Variants in LINGO3 observed in about 807,000 individuals in gnomAD.
LINGO3 encodes leucine rich repeat and Ig domain containing 3.
For missense variants in LINGO3, 750 were observed against 867.7 expected, an observed-to-expected ratio of 0.86 and a Z score of 1.70; for synonymous variants, 427 against 444.2, an observed-to-expected ratio of 0.96 and a Z score of 0.49.
the LINGO3 span, among the ~76,000 whole-genome samples, chr19:2,298,819 G>A: frequency 2.6e-5 from 4 of 152,034 alleles, no homozygotes; most frequent in Non-Finnish European, 5.9e-5. Flanking sequence ...GATTACAGGC[G>A]TGAGCCACCG....
chr19:2,292,583 G>A (rs1022112008), upstream of LINGO3, among the ~76,000 whole-genome samples: 2 of 151,416 alleles, frequency 1.3e-5, no homozygotes, highest in South Asian at 2.1e-4. Flanking sequence ...TCCACCTCCC[G>A]GGTTCAAGCA....
exon 1 of LINGO3, chr19:2,291,757 A>G (rs892515795): frequency 6.5e-6 from 9 of 1,377,796 alleles, no homozygotes; most frequent in Non-Finnish European, 7.5e-6. Context: ...CAGGCTCAGG[A>G]CGCACAGCCA....
chr19:2,290,286 C>T lies in LINGO3; in HGVS notation c.1491G>A (p.Val497=). The change falls in exon 1 of 1, where the codon GTG becomes GTA. Residue 497 remains valine (V), a synonymous_variant. Coordinates refer to ENST00000585527, the Ensembl canonical transcript of LINGO3. The surrounding 1 kb of genome is among the most constrained non-coding windows in gnomAD (Gnocchi z 6.0). ...TCCGGTTGGCGGCCGGCTCGGGGCG[C>T]ACGGTCAGCGTGGCGAAGTAGGTGT... 2 of 1,585,682 alleles carry T rather than the reference C, an allele frequency of 1.3e-6. No homozygotes were observed. Among genetic ancestry groups the T allele is most frequent in the East Asian group, 2.3e-5 (1 of 43,936 alleles).
Position 2,290,862 on chromosome 19 carries a change from C to T in LINGO3, c.915G>A (p.Leu305=), listed in dbSNP as rs777641904. 1.2e-6 allele frequency: 2 copies of T among 1,611,612 alleles called. No homozygotes were observed. Among genetic ancestry groups the T allele is most frequent in the Non-Finnish European group, 1.7e-6 (2 of 1,179,274 alleles). ...AGGCCTGCGGCTCCACCACAGCCAG[C>T]AGGGCCCCGGCCAGGTGCAGCTCGC... The change falls in exon 1 of 1, where the codon CTG becomes CTA. Residue 305 remains leucine (L), a synonymous_variant. Coordinates refer to ENST00000585527, the Ensembl canonical transcript of LINGO3. The surrounding 1 kb of genome is among the most constrained non-coding windows in gnomAD (Gnocchi z 6.0).
At chr19:2,289,473 G>A (rs1436559646), downstream of LINGO3, among the ~76,000 whole-genome samples, 3 of 152,038 alleles carry the variant, frequency 2.0e-5, no homozygotes, top group Non-Finnish European at 4.4e-5. Context: ...TGGGTGTGAG[G>A]TGTAGGACGG....
At chr19:2,295,034 C>T (rs561285988), upstream of LINGO3, among the ~76,000 whole-genome samples, 8 of 152,264 alleles carry the variant, frequency 5.3e-5, no homozygotes, top group South Asian at 1.0e-3. Context: ...TAAATATCTG[C>T]GAAGGCAGCT....
At chr19:2,306,660 G>A in the LINGO3 span, among the ~76,000 whole-genome samples, 10 of 152,104 alleles carry the variant, frequency 6.6e-5, no homozygotes, top group African/African-American at 2.2e-4. Flanking sequence ...TCCCATGTGG[G>A]GTGGATCTGA....
In LINGO3 at chr19:2,291,461, C is replaced by A. The variant is rs764324261; in HGVS notation, c.316G>T (p.Val106Phe). The change falls in exon 1 of 1, where the codon GTC (valine) becomes TTC (phenylalanine). Residue 106 changes from valine (V) to phenylalanine (F), a missense_variant. Transcript: ENST00000585527. ...AGCTGGTTGCCACGGAGACGCAGGACGCGCAGGCGCGGCAGGTTGGCGAAG... is the reference window on the plus strand; with the variant it reads ...AGCTGGTTGCCACGGAGACGCAGGAAGCGCAGGCGCGGCAGGTTGGCGAAG... The A allele has an allele frequency of 1.4e-5, 23 of 1,612,870 alleles. No homozygotes were observed. Among genetic ancestry groups the A allele is most frequent in the Non-Finnish European group, 1.7e-5 (20 of 1,179,634 alleles).
chr19:2,295,092 G>A (rs141046385), upstream of LINGO3, among the ~76,000 whole-genome samples: 623 of 152,258 alleles, frequency 4.1e-3, 2 homozygotes, highest in Non-Finnish European at 7.0e-3. Flanking sequence ...GCGAACAGAC[G>A]CGGAGCCCCG....
chr19:2,297,282 G>A, the LINGO3 span, among the ~76,000 whole-genome samples: 1 of 148,566 alleles, frequency 6.7e-6, no homozygotes, highest in Non-Finnish European at 1.5e-5. Flanking sequence ...CCAGGACCCG[G>A]GCATGCACCC....
Position 2,291,389 on chromosome 19 carries a change from G to C in LINGO3, c.388C>G (p.Leu130Val), listed in dbSNP as rs753888587. The C allele has an allele frequency of 3.1e-6, 5 of 1,613,368 alleles. No homozygotes were observed. The African/African-American group carries it at 5.3e-5, about 17-fold the overall frequency. Residue 130 changes from leucine to valine, a missense_variant, in exon 1 of 1, where the codon CTG (leucine) becomes GTG (valine). Coordinates refer to ENST00000585527, the Ensembl canonical transcript of LINGO3. ...AGCTTGTTCTCGCTCAGGTCCAGCA[G>C]CGTGAGGTTGTCCAGGCGCGTGAAG...
At chr19:2,305,622 A>G in the LINGO3 span, among the ~76,000 whole-genome samples, 2 of 152,102 alleles carry the variant, frequency 1.3e-5, no homozygotes, top group Non-Finnish European at 2.9e-5. Context: ...GGATGCTGAC[A>G]TCTCCCTTGG....
At chr19:2,307,383 C>T in the LINGO3 span, among the ~76,000 whole-genome samples, 2 of 152,194 alleles carry the variant, frequency 1.3e-5, no homozygotes, top group South Asian at 2.1e-4. Flanking sequence ...TTCTTGTGCC[C>T]GGACCAAGGC....
exon 1 of LINGO3, chr19:2,289,955 G>C: frequency 6.9e-7 from 1 of 1,450,992 alleles, no homozygotes; most frequent in Non-Finnish European, 9.2e-7. Context: ...GCGAGCGGCC[G>C]GCCCGCGGGG....
chr19:2,291,875 G>T lies in LINGO3; in HGVS notation c.-99C>A, dbSNP rs1409455479. On this transcript the variant is annotated 5_prime_UTR_variant, in exon 1 of 1. Transcript: ENST00000585527. ...TTAGCACCGTTAGCACCCCTCCGCG[G>T]CGCCTCTGCCGCCAGCCCGCCCCTA... 4 of 1,106,094 alleles carry T rather than the reference G, an allele frequency of 3.6e-6. No homozygotes were observed. The South Asian group carries it at 5.3e-5, about 15-fold the overall frequency. 68.5% of individuals were successfully genotyped at this position (1,106,094 alleles called of 1,614,324 possible). A position where few individuals can be genotyped will look rare whatever the true frequency, so the allele number is the denominator to read the frequency against.
chr19:2,294,907 C>T (rs1318697915), upstream of LINGO3, among the ~76,000 whole-genome samples: 1 of 152,248 alleles, frequency 6.6e-6, no homozygotes, highest in East Asian at 1.9e-4. The surrounding 1 kb of genome is among the most constrained non-coding windows in gnomAD (Gnocchi z 4.3). Context: ...CGCCAGCCGG[C>T]CGGCTATTTT....
At chr19:2,292,648 T>C (rs2025537168), upstream of LINGO3, among the ~76,000 whole-genome samples, 1 of 150,696 alleles carries the variant, frequency 6.6e-6, no homozygotes, top group Non-Finnish European at 1.5e-5. Flanking sequence ...CGCCACCACG[T>C]CCGGCTAATT....
upstream of LINGO3, among the ~76,000 whole-genome samples, chr19:2,295,724 G>A (rs570666369): frequency 6.6e-6 from 1 of 152,148 alleles, no homozygotes; most frequent in East Asian, 1.9e-4. Flanking sequence ...CGACAAGAGG[G>A]GAAACTCCGT....
chr19:2,296,728 C>T (rs569450531), upstream of LINGO3, among the ~76,000 whole-genome samples: 11 of 151,754 alleles, frequency 7.2e-5, no homozygotes, highest in South Asian at 2.1e-4. Context: ...CCACCCACCT[C>T]GGCCTCTCAA....
Sources: gnomAD v4.1 joint callset for allele counts (sites outside exome capture counted in the v4.1 genomes callset) on GRCh38, gnomAD v4.1.1 for gene constraint, Gnocchi (gnomAD v3.1) non-coding constraint, MANE v1.5 for transcripts, NCBI Gene and HGNC (gene_info 2026-07-23, HGNC 2026-07-21) for gene names.